The following FBXL17 variants were observed in gnomAD, a reference collection of about 807,000 sequenced individuals.
FBXL17 encodes F-box and leucine rich repeat protein 17, also known as F-box/LRR-repeat protein 17.
FBXL17 carries 22 observed loss-of-function variants against 66.2 expected under a neutral mutation model. That is an observed-to-expected ratio of 0.33 (90% CI 0.24 to 0.47). The LOEUF (loss-of-function observed/expected upper bound fraction) is 0.47, where lower values mean the gene tolerates loss of function less well. Ranked by LOEUF, FBXL17 falls within the 20% of genes least tolerant of loss-of-function variation. The pLI, the probability that FBXL17 is intolerant of heterozygous loss-of-function variation, is 1.00. For missense variants in FBXL17, 878 were observed against 948.2 expected (o/e 0.93, Z 0.97); for synonymous variants, 474 against 400.5 (o/e 1.18, Z -2.19).
intron 7 of FBXL17, among the ~76,000 whole-genome samples, chr5:107,919,155 T>G (rs1436981833): frequency 6.6e-6 from 1 of 152,198 alleles, no homozygotes; most frequent in Non-Finnish European, 1.5e-5. Flanking sequence ...TGCAGGGTCC[T>G]GACTAACTAA....
chr5:108,212,702 G>C (rs1290507468), intron 5 of FBXL17, among the ~76,000 whole-genome samples: 2 of 152,158 alleles, frequency 1.3e-5, no homozygotes, highest in East Asian at 3.9e-4. Context: ...TCCCAGAGGG[G>C]CACCTGCCAG....
intron 6 of FBXL17, among the ~76,000 whole-genome samples, chr5:108,057,933 G>A (rs932500914): frequency 4.6e-5 from 7 of 152,258 alleles, no homozygotes; most frequent in African/African-American, 1.4e-4. Flanking sequence ...CACCACGTGA[G>A]GTGGTTTTAT....
At chr5:108,334,350 C>T (rs1760276459) in intron 4 of FBXL17, among the ~76,000 whole-genome samples, 1 of 152,156 alleles carries the variant, frequency 6.6e-6, no homozygotes, top group Non-Finnish European at 1.5e-5. Flanking sequence ...CAGCCCTTTA[C>T]CTTGTTTGAT....
At chr5:108,081,978 C>T (rs573495515) in intron 6 of FBXL17, among the ~76,000 whole-genome samples, 1 of 152,274 alleles carries the variant, frequency 6.6e-6, no homozygotes, top group South Asian at 2.1e-4. Context: ...TTAAGCCTAA[C>T]TCTCAACTCT....
rs149907484 is a variant in FBXL17, at chr5:108,119,690, T to C, written c.1745+66427A>G. ...CTGTATAGTAACTTGTTACTTTACT[T>C]AGACATTTTGCACAAGGTTCTATGT... is the stretch of plus-strand genomic sequence containing the variant. On this transcript the variant is annotated intron_variant, in intron 6 of 8. Transcript: ENST00000542267. 5.3e-3 allele frequency among the ~76,000 whole-genome samples: 813 copies of C among 152,360 alleles called. 6 individuals are homozygous for C. The highest frequency in any genetic ancestry group is 0.019 in the African/African-American group (776 of 41,586).
At chr5:107,964,335 A>G (rs1023295300) in intron 7 of FBXL17, among the ~76,000 whole-genome samples, 7 of 152,184 alleles carry the variant, frequency 4.6e-5, no homozygotes, top group Non-Finnish European at 8.8e-5. Flanking sequence ...TAGGCAAAGT[A>G]CAATTAGAGC....
At chr5:108,223,615 C>T (rs889103665) in intron 5 of FBXL17, among the ~76,000 whole-genome samples, 1 of 152,126 alleles carries the variant, frequency 6.6e-6, no homozygotes, top group African/African-American at 2.4e-5. Context: ...TACTAAAGAA[C>T]TGGCAGTTTG....
intron 4 of FBXL17, among the ~76,000 whole-genome samples, chr5:108,310,761 C>T (rs953267719): frequency 2.0e-5 from 3 of 152,098 alleles, no homozygotes; most frequent in South Asian, 2.1e-4. Context: ...ACTTAAGCAT[C>T]GTAATATGGA....
chr5:107,975,433 T>C (rs1024496422), intron 7 of FBXL17, among the ~76,000 whole-genome samples: 1 of 152,206 alleles, frequency 6.6e-6, no homozygotes, highest in Non-Finnish European at 1.5e-5. Flanking sequence ...ATAATATGTA[T>C]TTTCACATCT....
In FBXL17 at chr5:108,368,059, C is replaced by A. The variant is rs193256721; in HGVS notation, c.994-106G>T. The A allele has an allele frequency of 4.4e-4, 486 of 1,117,096 alleles. 2 individuals are homozygous for A. In the South Asian group the frequency reaches 6.8e-3, roughly 16 times the overall value. 69.2% of individuals were successfully genotyped at this position (1,117,096 alleles called of 1,614,324 possible). A position where few individuals can be genotyped will look rare whatever the true frequency, so the allele number is the denominator to read the frequency against. On this transcript the variant is annotated intron_variant, in intron 1 of 8. Coordinates refer to ENST00000542267, the MANE Select transcript of FBXL17 (RefSeq NM_001163315.3). ...GTTAACTTTGTAAAAAGAAAACCTT[C>A]TTGAATAAAAGAGGCCATTATTGTA...
chr5:107,968,789 C>T (rs1033614726), intron 7 of FBXL17, among the ~76,000 whole-genome samples: 3 of 152,122 alleles, frequency 2.0e-5, no homozygotes, highest in African/African-American at 7.2e-5. Context: ...TGCTTGGAGT[C>T]TAGTGGCTCT....
At chr5:108,299,951 T>C in intron 4 of FBXL17, 1 of 370,906 alleles carries the variant, frequency 2.7e-6, no homozygotes, top group Non-Finnish European at 3.7e-6. Flanking sequence ...ATTTAAATGC[T>C]TCAGAAAATT....
intron 7 of FBXL17, among the ~76,000 whole-genome samples, chr5:107,964,063 T>G (rs1485171846): frequency 2.0e-5 from 3 of 152,184 alleles, no homozygotes; most frequent in African/African-American, 7.2e-5. Flanking sequence ...AGTTTTTATG[T>G]CAGTGGGAGC....
Position 108,009,304 on chromosome 5 carries a change from T to C in FBXL17, c.1822+11621A>G, listed in dbSNP as rs1219554699. Among the ~76,000 whole-genome samples, 13 of 19,572 alleles carry C rather than the reference T, an allele frequency of 6.6e-4. 3 individuals are homozygous for C. Among genetic ancestry groups the C allele is most frequent in the East Asian group, 2.5e-3 (2 of 816 alleles). 12.8% of individuals were successfully genotyped at this position (19,572 alleles called of 152,430 possible). ...ATATATATATATATATATATATACA[T>C]ATATACATACACATATAGTTTTGCT... is the stretch of plus-strand genomic sequence containing the variant. On this transcript the variant is annotated intron_variant, in intron 7 of 8. Coordinates refer to ENST00000542267, the MANE Select transcript of FBXL17 (RefSeq NM_001163315.3).
chr5:108,173,811 C>T lies in FBXL17; in HGVS notation c.1745+12306G>A, dbSNP rs1752694739. Among the ~76,000 whole-genome samples, 3 of 152,154 alleles carry T rather than the reference C, an allele frequency of 2.0e-5. No individual in the cohort carries two copies. In the South Asian group the frequency reaches 6.2e-4, roughly 32 times the overall value. The stretch of plus-strand genomic sequence containing the variant: ...ACATTTCCTAACAAGAAATTGATCC[C>T]TAAAATTGTCATTCTTTTCAGCTGA... On this transcript the variant is annotated intron_variant, in intron 6 of 8. Transcript: ENST00000542267.
chr5:107,915,283 C>A lies in FBXL17; in HGVS notation c.1823-34104G>T, dbSNP rs567080909. Among the ~76,000 whole-genome samples the A allele has an allele frequency of 4.6e-5, 7 of 152,084 alleles. No homozygotes were observed. The East Asian group carries it at 9.7e-4, about 21-fold the overall frequency. Reference sequence around the variant, plus strand: ...TTTGCCAATTTTTTAAATTTGTATACCCTATTTTAGATCTGGGAATCTGAC... The same window carrying A: ...TTTGCCAATTTTTTAAATTTGTATAACCTATTTTAGATCTGGGAATCTGAC... On this transcript the variant is annotated intron_variant, in intron 7 of 8. Coordinates refer to ENST00000542267, the MANE Select transcript of FBXL17 (RefSeq NM_001163315.3).
At chr5:108,295,187 T>C (rs1758294153) in intron 4 of FBXL17, among the ~76,000 whole-genome samples, 2 of 151,922 alleles carry the variant, frequency 1.3e-5, no homozygotes, top group South Asian at 4.1e-4. Flanking sequence ...TATTTTTCAG[T>C]CAAGAAAATA....
chr5:108,011,130 T>C (rs1172233965), intron 7 of FBXL17, among the ~76,000 whole-genome samples: 1 of 152,212 alleles, frequency 6.6e-6, no homozygotes, highest in Non-Finnish European at 1.5e-5. Context: ...ACTTTCTAAA[T>C]AGGAAAGTTG....
chr5:107,871,069 A>AAAAACAAAAAAAC (rs1554080843), intron 8 of FBXL17, among the ~76,000 whole-genome samples: 4 of 130,174 alleles, frequency 3.1e-5, no homozygotes, highest in African/African-American at 6.4e-5. Flanking sequence ...AAAAAAAAAA[A>AAAAACAAAAAAAC]AAAAAAAAAA....
Sources: gnomAD v4.1 joint callset for allele counts (sites outside exome capture counted in the v4.1 genomes callset) on GRCh38, gnomAD v4.1.1 for gene constraint, MANE v1.5 for transcripts, NCBI Gene and HGNC (gene_info 2026-07-23, HGNC 2026-07-21) for gene names.